LRRTM3: variants seen among roughly 807,000 people sequenced by gnomAD.
LRRTM3 encodes leucine rich repeat transmembrane neuronal 3.
LRRTM3 carries 24 observed loss-of-function variants against 44.7 expected under a neutral mutation model. The observed-to-expected ratio is 0.54, with a 90% CI of 0.39 to 0.76. The LOEUF (loss-of-function observed/expected upper bound fraction) is 0.76, where lower values mean the gene tolerates loss of function less well. LRRTM3 is among the 30% of genes least tolerant of loss of function. LRRTM3 has a pLI of 0.00. For missense variants in LRRTM3, 587 were observed against 702.2 expected (o/e 0.84, Z 1.85); for synonymous variants, 277 against 278.7 (o/e 0.99, Z 0.06).
intron 2 of LRRTM3, among the ~76,000 whole-genome samples, chr10:66,995,250 A>T (rs1851265412): frequency 6.6e-6 from 1 of 152,124 alleles, no homozygotes; most frequent in Non-Finnish European, 1.5e-5. Context: ...CTATGACAGA[A>T]CCTTGGGTGT....
chr10:67,034,607 T>G (rs751326262), intron 2 of LRRTM3, among the ~76,000 whole-genome samples: 11 of 152,190 alleles, frequency 7.2e-5, no homozygotes, highest in Non-Finnish European at 1.5e-4. Flanking sequence ...AGGTCTTTAC[T>G]AATAACCTAC....
intron 2 of LRRTM3, among the ~76,000 whole-genome samples, chr10:66,963,823 T>G (rs1406128317): frequency 1.3e-5 from 2 of 150,334 alleles, no homozygotes; most frequent in East Asian, 4.0e-4. Flanking sequence ...GGATTTGTTG[T>G]TTTATCAGTG....
chr10:67,087,666 C>T (rs1207519645), intron 2 of LRRTM3, among the ~76,000 whole-genome samples: 2 of 151,926 alleles, frequency 1.3e-5, no homozygotes, highest in South Asian at 2.1e-4. Context: ...TGGATTTCTG[C>T]TCACTCATTT....
chr10:67,022,734 G>A (rs183253669), intron 2 of LRRTM3, among the ~76,000 whole-genome samples: 9 of 152,104 alleles, frequency 5.9e-5, no homozygotes, highest in Middle Eastern at 3.4e-3. Context: ...TCAGGAGATC[G>A]AGACCATCCT....
chr10:66,929,397 T>C (rs1589438868), intron 2 of LRRTM3, among the ~76,000 whole-genome samples: 1 of 152,298 alleles, frequency 6.6e-6, no homozygotes, highest in South Asian at 2.1e-4. Flanking sequence ...AAGACCCTAA[T>C]GTAGTTAGTA....
At chr10:67,000,621 G>A (rs535053547) in intron 2 of LRRTM3, among the ~76,000 whole-genome samples, 16 of 136,364 alleles carry the variant, frequency 1.2e-4, no homozygotes, top group African/African-American at 4.1e-4. Flanking sequence ...CAGGAAACAG[G>A]AGTCAGATCT....
intron 2 of LRRTM3, among the ~76,000 whole-genome samples, chr10:67,031,633 T>C (rs1322519430): frequency 6.6e-6 from 1 of 152,192 alleles, no homozygotes; most frequent in Non-Finnish European, 1.5e-5. Context: ...TGTTGGAGGT[T>C]TGAAATACGC....
At chr10:66,965,260 G>C (rs555163283) in intron 2 of LRRTM3, among the ~76,000 whole-genome samples, 3 of 151,998 alleles carry the variant, frequency 2.0e-5, no homozygotes, top group South Asian at 4.2e-4. Flanking sequence ...TTTTTGGCTC[G>C]GCATGGTGGC....
At chr10:66,992,714 C>T (rs1851109708) in intron 2 of LRRTM3, among the ~76,000 whole-genome samples, 1 of 152,034 alleles carries the variant, frequency 6.6e-6, no homozygotes, top group African/African-American at 2.4e-5. Context: ...TTTAATCAAT[C>T]TGTTGTTTGT....
chr10:67,096,973 G>A (rs958488572), intron 2 of LRRTM3, among the ~76,000 whole-genome samples: 3 of 151,888 alleles, frequency 2.0e-5, no homozygotes, highest in Non-Finnish European at 2.9e-5. Context: ...GGTAAGAATA[G>A]CCAGAATGGC....
At chr10:66,941,177 T>G (rs1436702951) in intron 2 of LRRTM3, among the ~76,000 whole-genome samples, 1 of 152,174 alleles carries the variant, frequency 6.6e-6, no homozygotes, top group Non-Finnish European at 1.5e-5. Flanking sequence ...TTAATTAAAA[T>G]GCACAGTTAC....
At position 67,036,893 on chromosome 10, in the gene LRRTM3, T is replaced by A. The variant is rs112197651; in HGVS notation, c.1537-60694T>A. On this transcript the variant is annotated intron_variant, in intron 2 of 2. Coordinates refer to ENST00000361320, the MANE Select transcript of LRRTM3 (RefSeq NM_178011.5). ...ATTGGATAAAAATTGTGAAAAAAAA[T>A]AATAATGCATAAAAGAGGAAGGAAA... 3.8e-3 allele frequency among the ~76,000 whole-genome samples: 568 copies of A among 150,870 alleles called. 4 individuals carry two copies. The highest frequency in any genetic ancestry group is 0.013 in the African/African-American group (540 of 40,560).
chr10:66,981,469 TA>T (rs372900202), intron 2 of LRRTM3, among the ~76,000 whole-genome samples: 5 of 152,344 alleles, frequency 3.3e-5, no homozygotes, highest in African/African-American at 9.6e-5. Flanking sequence ...CATTTCCATT[TA>T]TTTTTTTTGG....
chr10:66,962,687 A>C (rs900534031), intron 2 of LRRTM3, among the ~76,000 whole-genome samples: 1 of 152,058 alleles, frequency 6.6e-6, no homozygotes, highest in African/African-American at 2.4e-5. Context: ...CTGGGATTAC[A>C]GGCGTGAGCC....
chr10:66,986,786 A>C (rs1850751844), intron 2 of LRRTM3, among the ~76,000 whole-genome samples: 1 of 152,180 alleles, frequency 6.6e-6, no homozygotes, highest in African/African-American at 2.4e-5. Context: ...CAGTTAAATA[A>C]CACATATGAT....
At chr10:67,045,798 T>C (rs1446963418) in intron 2 of LRRTM3, among the ~76,000 whole-genome samples, 2 of 152,174 alleles carry the variant, frequency 1.3e-5, no homozygotes, top group Non-Finnish European at 2.9e-5. Context: ...AATTACTCTA[T>C]ACCACATTGC....
At chr10:66,991,018 T>C (rs1421090667) in intron 2 of LRRTM3, among the ~76,000 whole-genome samples, 1 of 152,162 alleles carries the variant, frequency 6.6e-6, no homozygotes, top group African/African-American at 2.4e-5. Flanking sequence ...TATCTGCTAA[T>C]GATGGAAATG....
chr10:67,082,330 A>G (rs1044086050), intron 2 of LRRTM3, among the ~76,000 whole-genome samples: 3 of 152,146 alleles, frequency 2.0e-5, no homozygotes, highest in African/African-American at 7.2e-5. Context: ...TAAGTGCTAG[A>G]TTTATTGCCT....
intron 2 of LRRTM3, among the ~76,000 whole-genome samples, chr10:66,979,625 T>TG (rs1229552854): frequency 6.6e-6 from 1 of 152,060 alleles, no homozygotes; most frequent in Non-Finnish European, 1.5e-5. Flanking sequence ...ATCAGTAAAA[T>TG]GGGGAGTATA....
Sources: allele counts gnomAD v4.1 joint callset (sites outside exome capture counted in the v4.1 genomes callset), GRCh38; gene constraint gnomAD v4.1.1; transcripts MANE v1.5; gene names NCBI Gene and HGNC (gene_info 2026-07-23, HGNC 2026-07-21).